Variants in TAFA1 observed in about 807,000 individuals in gnomAD.
TAFA1 encodes the protein chemokine-like protein TAFA-1.
A neutral mutation model predicts 18.5 loss-of-function variants in TAFA1; 4 were observed. The observed-to-expected ratio is 0.22, with a 90% CI of 0.11 to 0.49. TAFA1 has a LOEUF of 0.49. Among genes scored for constraint, TAFA1 ranks in the 20% least tolerant of loss-of-function variants. The pLI is 0.98. For missense variants in TAFA1, 147 were observed against 169.0 expected (o/e 0.87, Z 0.72); for synonymous variants, 56 against 55.2 (o/e 1.01, Z -0.06).
At chr3:68,112,886 A>G (rs1277999481) in intron 2 of TAFA1, among the ~76,000 whole-genome samples, 1 of 152,172 alleles carries the variant, frequency 6.6e-6, no homozygotes, top group Non-Finnish European at 1.5e-5. Flanking sequence ...CAATAAAATG[A>G]CAAAACATTA....
intron 3 of TAFA1, among the ~76,000 whole-genome samples, chr3:68,479,293 C>T (rs2202976): frequency 0.09 from 13,283 of 147,912 alleles, 1,737 homozygotes; most frequent in African/African-American, 0.28. Flanking sequence ...TAGCTCCATA[C>T]ACACATATAC....
intron 2 of TAFA1, among the ~76,000 whole-genome samples, chr3:68,120,245 CTTTCTT>C (rs1301441755): frequency 4.6e-5 from 3 of 65,208 alleles, no homozygotes; most frequent in Non-Finnish European, 6.6e-5. Flanking sequence ...TTCTTTCTTT[CTTTCTT>C]TCTTTCTTTC....
chr3:68,394,320 A>G (rs981347989), intron 2 of TAFA1, among the ~76,000 whole-genome samples: 3 of 152,132 alleles, frequency 2.0e-5, no homozygotes, highest in Non-Finnish European at 4.4e-5. Flanking sequence ...ACAAATGGAA[A>G]AACATTCCAT....
chr3:68,457,516 CT>C (rs772528297), intron 3 of TAFA1, among the ~76,000 whole-genome samples: 4 of 152,172 alleles, frequency 2.6e-5, no homozygotes, highest in African/African-American at 7.2e-5. Flanking sequence ...TGGACTTGCA[CT>C]GTTCAAATTC....
chr3:68,397,183 G>A lies in TAFA1; in HGVS notation c.119-20097G>A, dbSNP rs1018379182. On this transcript the variant is annotated intron_variant, in intron 2 of 4. Coordinates refer to ENST00000478136, the MANE Select transcript of TAFA1 (RefSeq NM_213609.4). ...GTTTTACTTTAAGTTCCGAGTACATGTACAGAACATGTAGGTTTGTTACAT... is the reference window on the plus strand; with the variant it reads ...GTTTTACTTTAAGTTCCGAGTACATATACAGAACATGTAGGTTTGTTACAT... Among the ~76,000 whole-genome samples, 15 of 152,098 alleles carry A rather than the reference G, an allele frequency of 9.9e-5. No individual in the cohort carries two copies. The South Asian group carries it at 3.1e-3, about 32-fold the overall frequency.
intron 3 of TAFA1, among the ~76,000 whole-genome samples, chr3:68,490,169 A>C (rs1435079190): frequency 6.6e-6 from 1 of 152,182 alleles, no homozygotes; most frequent in Admixed American, 6.5e-5. Context: ...ATATTTAAAA[A>C]CCACTACTTT....
chr3:68,505,260 A>G (rs1007976620), intron 3 of TAFA1, among the ~76,000 whole-genome samples: 4 of 152,186 alleles, frequency 2.6e-5, no homozygotes, highest in African/African-American at 7.2e-5. Context: ...GAATAGTCAC[A>G]TATGATGCAA....
At chr3:68,214,642 TATA>T (rs2066633075) in intron 2 of TAFA1, among the ~76,000 whole-genome samples, 2 of 151,970 alleles carry the variant, frequency 1.3e-5, no homozygotes, top group South Asian at 2.1e-4. Context: ...TTCAGATAAA[TATA>T]ATAATAATAA....
chr3:68,125,608 C>A (rs1013645927), intron 2 of TAFA1, among the ~76,000 whole-genome samples: 3 of 152,072 alleles, frequency 2.0e-5, no homozygotes, highest in African/African-American at 7.2e-5. Context: ...TAGCATGGGG[C>A]CAGTCACTGA....
At chr3:68,264,929 T>A (rs2067514146) in intron 2 of TAFA1, among the ~76,000 whole-genome samples, 1 of 152,158 alleles carries the variant, frequency 6.6e-6, no homozygotes, top group South Asian at 2.1e-4. Context: ...AAAGATATGT[T>A]AAGATTTTAT....
chr3:68,534,970 T>A (rs2073253096), intron 3 of TAFA1, among the ~76,000 whole-genome samples: 1 of 152,088 alleles, frequency 6.6e-6, no homozygotes, highest in Non-Finnish European at 1.5e-5. Flanking sequence ...GACAAAATGC[T>A]AAGTTGAAGG....
chr3:67,999,285 C>CTGTGTGTGTGTGTGTGTG (rs373368779), upstream of TAFA1, among the ~76,000 whole-genome samples: 7 of 4,720 alleles, frequency 1.5e-3, no homozygotes, highest in African/African-American at 2.3e-3. Flanking sequence ...CCCCCCCTCT[C>CTGTGTGTGTGTGTGTGTG]TCTGTGTGTG....
At chr3:68,024,072 G>A (rs538135896) in intron 2 of TAFA1, among the ~76,000 whole-genome samples, 81 of 152,290 alleles carry the variant, frequency 5.3e-4, no homozygotes, top group African/African-American at 1.9e-3. Flanking sequence ...GAATGCTGCT[G>A]TTTGCTTCAG....
chr3:68,099,109 G>A (rs189220090), intron 2 of TAFA1, among the ~76,000 whole-genome samples: 1 of 152,214 alleles, frequency 6.6e-6, no homozygotes, highest in East Asian at 1.9e-4. Context: ...AAGAATTTAC[G>A]ACTAAGTTCT....
chr3:68,315,446 A>AG (rs1175683845), intron 2 of TAFA1, among the ~76,000 whole-genome samples: 1 of 152,126 alleles, frequency 6.6e-6, no homozygotes, highest in Non-Finnish European at 1.5e-5. Context: ...TTTGGAATTG[A>AG]GCTAATGGTG....
chr3:68,443,491 A>AAAAAAC (rs1553691476), intron 3 of TAFA1, among the ~76,000 whole-genome samples: 3,234 of 129,784 alleles, frequency 0.025, 1 homozygote, highest in Middle Eastern at 0.053. Context: ...AAAAAAAAAA[A>AAAAAAC]AAAAACAAAA....
In TAFA1 at chr3:68,093,690, G is replaced by A. The variant is rs192204449; in HGVS notation, c.118+86946G>A. ...CTAGTTGCATTCCCCCAGAGCTATAGGTGGAAAGCTGCTTATGGCATCCCA... is the reference window on the plus strand; with the variant it reads ...CTAGTTGCATTCCCCCAGAGCTATAAGTGGAAAGCTGCTTATGGCATCCCA... On this transcript the variant is annotated intron_variant, in intron 2 of 4. Transcript: ENST00000478136. Among the ~76,000 whole-genome samples the A allele has an allele frequency of 1.2e-3, 190 of 152,130 alleles. 1 individual carries two copies. Among genetic ancestry groups the A allele is most frequent in the Admixed American group, 0.012 (187 of 15,266 alleles).
intron 2 of TAFA1, among the ~76,000 whole-genome samples, chr3:68,221,068 G>A (rs2066723783): frequency 6.6e-6 from 1 of 152,160 alleles, no homozygotes; most frequent in Non-Finnish European, 1.5e-5. Flanking sequence ...GGTCACACAA[G>A]TGTAGCTCAG....
intron 2 of TAFA1, among the ~76,000 whole-genome samples, chr3:68,063,761 T>A (rs988667916): frequency 1.3e-5 from 2 of 152,224 alleles, no homozygotes; most frequent in African/African-American, 4.8e-5. Context: ...CACACATTTT[T>A]AAAATGTTAT....
Sources: allele counts gnomAD v4.1 joint callset (sites outside exome capture counted in the v4.1 genomes callset), GRCh38; gene constraint gnomAD v4.1.1; transcripts MANE v1.5; gene names NCBI Gene and HGNC (gene_info 2026-07-23, HGNC 2026-07-21).